MARK4: variants seen among roughly 807,000 people sequenced by gnomAD.
MARK4 encodes the protein microtubule affinity regulating kinase 4.
MARK4 carries 19 observed loss-of-function variants against 81.5 expected under a neutral mutation model. The ratio of observed to expected loss-of-function variants is 0.23; its 90% CI spans 0.16 to 0.34. The LOEUF is 0.34. MARK4 is among the 10% of genes least tolerant of loss of function. The pLI is 1.00. For synonymous variants in MARK4, 436 were observed against 439.0 expected, an observed-to-expected ratio of 0.99 and a Z score of 0.08; for missense variants, 772 against 1,058.8, an observed-to-expected ratio of 0.73 and a Z score of 3.76.
intron 7 of MARK4, among the ~76,000 whole-genome samples, chr19:45,270,828 TG>T (rs748800723): frequency 1.1e-4 from 17 of 152,172 alleles, no homozygotes; most frequent in Non-Finnish European, 2.2e-4. Context: ...TGGAGTGCAA[TG>T]GCATGATCTC....
chr19:45,263,496 C>G, intron 4 of MARK4, 129 bp downstream of exon 4: 1 of 1,143,878 alleles, frequency 8.7e-7, no homozygotes, highest in Non-Finnish European at 1.3e-6. Context: ...AATCCCAGCA[C>G]TTAGGGAGGC....
chr19:45,295,627 T>C (rs1970877184), intron 14 of MARK4, among the ~76,000 whole-genome samples: 1 of 151,994 alleles, frequency 6.6e-6, no homozygotes, highest in African/African-American at 2.4e-5. Flanking sequence ...ATACAAAAAT[T>C]AGCCAGGAAC....
rs1970402446 is a variant in MARK4, at chr19:45,263,182, CG to C, written c.306+21del. ...CCTGCAGAAGGTGAGGCTGGGGAGA[CG>C]GGGGAGAGCAGGAGCCAGGCTTCCG... On this transcript the variant is annotated intron_variant, in intron 3 of 16. Coordinates refer to ENST00000262891, the MANE Select transcript of MARK4 (RefSeq NM_001199867.2). 6.2e-7 allele frequency: 1 copy of C among 1,610,426 alleles called. No homozygotes were observed. Among genetic ancestry groups the C allele is most frequent in the Non-Finnish European group, 8.5e-7 (1 of 1,178,328 alleles).
intron 13 of MARK4, among the ~76,000 whole-genome samples, chr19:45,289,392 A>AC (rs1206129392): frequency 5.3e-5 from 8 of 150,162 alleles, no homozygotes; most frequent in African/African-American, 1.5e-4. Context: ...TTTCAAAAAA[A>AC]AAAAAAAAAA....
chr19:45,263,911 G>A (rs545128684), intron 4 of MARK4, among the ~76,000 whole-genome samples: 1 of 151,922 alleles, frequency 6.6e-6, no homozygotes, highest in East Asian at 1.9e-4. Flanking sequence ...CAAAGATGAT[G>A]CATCCAAAAT....
chr19:45,289,952 T>C (rs189233186), intron 13 of MARK4, among the ~76,000 whole-genome samples: 1 of 151,590 alleles, frequency 6.6e-6, no homozygotes, highest in Non-Finnish European at 1.5e-5. Context: ...GAAAAATTAG[T>C]CCGGTGTGGT....
intron 2 of MARK4, among the ~76,000 whole-genome samples, chr19:45,262,034 G>A (rs1970387424): frequency 1.3e-5 from 2 of 152,242 alleles, no homozygotes; most frequent in Admixed American, 1.3e-4. Context: ...TAAAAGTTGT[G>A]TTTAAGAGGT....
At chr19:45,278,459 G>A in intron 9 of MARK4, 57 bp from the exon 10 acceptor site, 1 of 1,480,136 alleles carries the variant, frequency 6.8e-7, no homozygotes, top group East Asian at 2.3e-5. Context: ...GAAGCTGTAT[G>A]ATTTCTGGTT....
chr19:45,271,367 T>A lies in MARK4; in HGVS notation c.550-105T>A. On this transcript the variant is annotated intron_variant, in intron 7 of 16. Coordinates refer to ENST00000262891, the MANE Select transcript of MARK4 (RefSeq NM_001199867.2). The surrounding 1 kb of genome is among the most constrained non-coding windows in gnomAD (Gnocchi z 4.1). The stretch of plus-strand genomic sequence containing the variant: ...AGTAAAGGACAGGCCCAAGAGTTGA[T>A]CCCTGTGGGCCAGCCCTAGAGCCTG... 9.1e-7 allele frequency: 1 copy of A among 1,101,482 alleles called. No individual in the cohort carries two copies. The highest frequency in any genetic ancestry group is 1.3e-6 in the Non-Finnish European group (1 of 745,596). The allele number at this position is 1,101,482 out of a possible 1,614,324, so 68.2% of individuals were successfully genotyped here.
At position 45,297,872 on chromosome 19, in the gene MARK4, C is replaced by T. The variant is rs2123109797; in HGVS notation, c.1795C>T (p.His599Tyr). The T allele has an allele frequency of 1.9e-6, 3 of 1,549,372 alleles. No individual in the cohort carries two copies. In the African/African-American group the frequency reaches 4.1e-5, roughly 21 times the overall value. The change falls in exon 15 of 17, where the codon CAT becomes TAT. Residue 599 changes from histidine (H) to tyrosine (Y), a missense_variant. His to Tyr is a moderately conservative substitution (Grantham distance 83). Transcript: ENST00000262891. ...NGPPASPTLA[H>Y]EAAPLPAGRP... ...GCCCCCTGCCTCTCCCACACTGGCCCATGAGGCTGCACCCCTGCCCGCCGG... is the reference window on the plus strand; with the variant it reads ...GCCCCCTGCCTCTCCCACACTGGCCTATGAGGCTGCACCCCTGCCCGCCGG...
intron 1 of MARK4, among the ~76,000 whole-genome samples, chr19:45,258,688 A>C (rs1286655022): frequency 1.3e-5 from 2 of 151,638 alleles, no homozygotes; most frequent in Non-Finnish European, 2.9e-5. Flanking sequence ...TGACAGAGGA[A>C]GACTCCATCC....
rs1438001318 is a variant in MARK4, at chr19:45,303,679, C to G, written c.*969C>G. ...AATTTATTCAATAAACAATCATTGA[C>G]CCATGCCTACTCCATGCCAGGCCCA... On this transcript the variant is annotated 3_prime_UTR_variant, in exon 17 of 17. Coordinates refer to ENST00000262891, the MANE Select transcript of MARK4 (RefSeq NM_001199867.2). 3 of 152,234 alleles carry G rather than the reference C, an allele frequency of 2.0e-5. No individual in the cohort carries two copies. The highest frequency in any genetic ancestry group is 1.5e-5 in the Non-Finnish European group (1 of 68,068). 9.4% of individuals were successfully genotyped at this position (152,234 alleles called of 1,614,324 possible).
chr19:45,287,791 A>G lies in MARK4; in HGVS notation c.1494+127A>G, dbSNP rs1599797796. On this transcript the variant is annotated intron_variant, in intron 13 of 16. Transcript: ENST00000262891. Reference sequence around the variant, plus strand: ...AACTCCTTCTTCTACCCATTCATTCATTCAACAAACATTTATCGAGTGCCT... The same window carrying G: ...AACTCCTTCTTCTACCCATTCATTCGTTCAACAAACATTTATCGAGTGCCT... 2.7e-6 allele frequency: 3 copies of G among 1,099,036 alleles called. 1 individual carries two copies. In the East Asian group the frequency reaches 7.7e-5, roughly 28 times the overall value. 68.1% of individuals were successfully genotyped at this position (1,099,036 alleles called of 1,614,324 possible).
Position 45,257,687 on chromosome 19 carries a change from ATAT to A in MARK4, c.52-1300_52-1298del, listed in dbSNP as rs1268721070. ...CGTGAGCCACCTCGCCTGGCCCATA[ATAT>A]TTTTTTTTTTTTTTTTTGAGACAGA... is the stretch of plus-strand genomic sequence containing the variant. On this transcript the variant is annotated intron_variant, in intron 1 of 16. Coordinates refer to ENST00000262891, the MANE Select transcript of MARK4 (RefSeq NM_001199867.2). 2.5e-4 allele frequency among the ~76,000 whole-genome samples: 20 copies of A among 79,206 alleles called. 1 individual carries two copies. In the South Asian group the frequency reaches 5.0e-3, roughly 20 times the overall value. 52.0% of individuals were successfully genotyped at this position (79,206 alleles called of 152,430 possible).
At chr19:45,257,076 C>T (rs937773153) in intron 1 of MARK4, among the ~76,000 whole-genome samples, 8 of 151,826 alleles carry the variant, frequency 5.3e-5, no homozygotes, top group Non-Finnish European at 1.0e-4. Flanking sequence ...CATCTCAGCC[C>T]CCTGAGTAGC....
At chr19:45,276,792 A>ATTTTTTTTTTTTTTTTTT (rs1244671625) in intron 8 of MARK4, among the ~76,000 whole-genome samples, 1 of 150,364 alleles carries the variant, frequency 6.7e-6, no homozygotes, top group Admixed American at 6.6e-5. Flanking sequence ...CACCCAGCTA[A>ATTTTTTTTTTTTTTTTTT]TTTTTGTATT....
At chr19:45,289,264 G>A (rs1228203817) in intron 13 of MARK4, among the ~76,000 whole-genome samples, 1 of 151,508 alleles carries the variant, frequency 6.6e-6, no homozygotes, top group Non-Finnish European at 1.5e-5. Context: ...GCGCATGCCT[G>A]TAGTCCCAGC....
rs536670866 is a variant in MARK4 at position 45,295,442 on chromosome 19, G to A, written c.1598+990G>A. On this transcript the variant is annotated intron_variant, in intron 14 of 16. Transcript: ENST00000262891. ...TGCTCACACTGCTAGCAGAATGACC[G>A]GGTAAATCCCTGTGCCTCTGTTTCC... Among the ~76,000 whole-genome samples the A allele has an allele frequency of 5.9e-5, 9 of 152,106 alleles. No individual in the cohort carries two copies. In the East Asian group the frequency reaches 9.7e-4, roughly 16 times the overall value.
chr19:45,286,625 A>T (rs557798347), intron 12 of MARK4, among the ~76,000 whole-genome samples: 103 of 152,000 alleles, frequency 6.8e-4, no homozygotes, highest in African/African-American at 2.4e-3. Context: ...AAGTGGGAGG[A>T]TGGCTTGAGC....
Sources: gnomAD v4.1 joint callset for allele counts (sites outside exome capture counted in the v4.1 genomes callset) on GRCh38, gnomAD v4.1.1 for gene constraint, Gnocchi (gnomAD v3.1) non-coding constraint, MANE v1.5 for transcripts, NCBI Gene and HGNC (gene_info 2026-07-23, HGNC 2026-07-21) for gene names.